NTRK3: variants seen among roughly 807,000 people sequenced by gnomAD.
The protein encoded by NTRK3 is NT-3 growth factor receptor.
In NTRK3, 24 loss-of-function variants were observed where a neutral mutation model predicts 91.7. The observed-to-expected ratio is 0.26, with a 90% CI of 0.19 to 0.37. The LOEUF (loss-of-function observed/expected upper bound fraction) is 0.37, where lower values mean the gene tolerates loss of function less well. NTRK3 is among the 10% of genes least tolerant of loss of function. The pLI, the probability that NTRK3 is intolerant of heterozygous loss-of-function variation, is 1.00. For missense variants in NTRK3, 880 were observed against 1,068.9 expected, an observed-to-expected ratio of 0.82 and a Z score of 2.46; for synonymous variants, 483 against 404.0, an observed-to-expected ratio of 1.20 and a Z score of -2.34.
At chr15:87,967,037 G>A (rs1233364515) in intron 14 of NTRK3, among the ~76,000 whole-genome samples, 1 of 152,198 alleles carries the variant, frequency 6.6e-6, no homozygotes, top group African/African-American at 2.4e-5. Flanking sequence ...ACCAGTGCAG[G>A]AGACAATAAA....
chr15:87,981,561 T>C (rs559793871), intron 14 of NTRK3, among the ~76,000 whole-genome samples: 16 of 152,340 alleles, frequency 1.1e-4, no homozygotes, highest in Admixed American at 8.5e-4. Flanking sequence ...AATCTCACCC[T>C]GGCATTATAG....
intron 13 of NTRK3, among the ~76,000 whole-genome samples, chr15:88,090,441 G>A (rs769948618): frequency 6.6e-6 from 1 of 152,168 alleles, no homozygotes; most frequent in Admixed American, 6.5e-5. Flanking sequence ...GCGTGCCCTA[G>A]GCAACGTAGA....
intron 14 of NTRK3, among the ~76,000 whole-genome samples, chr15:87,954,228 C>T (rs936288920): frequency 2.0e-5 from 3 of 152,242 alleles, no homozygotes; most frequent in Non-Finnish European, 4.4e-5. Flanking sequence ...TTGTACAGTC[C>T]TACAAATTCC....
chr15:87,899,615 C>T (rs1297063163), intron 17 of NTRK3, among the ~76,000 whole-genome samples: 1 of 152,072 alleles, frequency 6.6e-6, no homozygotes, highest in Non-Finnish European at 1.5e-5. Flanking sequence ...ACAGAAAATG[C>T]CAGAAGGAGC....
chr15:88,034,785 C>A (rs1178018273), intron 13 of NTRK3, among the ~76,000 whole-genome samples: 2 of 152,238 alleles, frequency 1.3e-5, no homozygotes, highest in Admixed American at 6.5e-5. Context: ...TGACAAATAT[C>A]TGACTGTGTT....
At chr15:88,202,715 G>A (rs1324468389) in intron 3 of NTRK3, among the ~76,000 whole-genome samples, 1 of 152,196 alleles carries the variant, frequency 6.6e-6, no homozygotes, top group East Asian at 1.9e-4. Flanking sequence ...GTGCTGTCCT[G>A]GAGAGAAGGA....
chr15:88,097,468 C>T lies in NTRK3; in HGVS notation c.1396+28803G>A, dbSNP rs192924618. ...AGATAGTCTCATACACTGATAGAGG[C>T]TTTGTTGATTGGTCAAACTCTTCTC... On this transcript the variant is annotated intron_variant, in intron 13 of 18. Transcript: ENST00000394480. Among the ~76,000 whole-genome samples, 37 of 152,274 alleles carry T rather than the reference C, an allele frequency of 2.4e-4. No homozygotes were observed. In the East Asian group the frequency reaches 6.4e-3, roughly 26 times the overall value.
At chr15:88,158,863 C>T (rs1328837127) in intron 5 of NTRK3, among the ~76,000 whole-genome samples, 1 of 152,106 alleles carries the variant, frequency 6.6e-6, no homozygotes, top group Non-Finnish European at 1.5e-5. Context: ...CAAGACATCA[C>T]ACTCATTTTT....
intron 14 of NTRK3, among the ~76,000 whole-genome samples, chr15:87,982,390 G>A (rs1169340530): frequency 6.6e-6 from 1 of 152,184 alleles, no homozygotes; most frequent in Non-Finnish European, 1.5e-5. Context: ...AAAGGCTGAA[G>A]AGGGGCAAAT....
intron 14 of NTRK3, among the ~76,000 whole-genome samples, chr15:88,005,920 G>C (rs12324332): frequency 0.18 from 27,991 of 152,148 alleles, 3,156 homozygotes; most frequent in African/African-American, 0.32. Flanking sequence ...CAGAGCATAA[G>C]AGGTTTCTGT....
chr15:88,112,197 T>C lies in NTRK3; in HGVS notation c.1396+14074A>G, dbSNP rs148515178. On this transcript the variant is annotated intron_variant, in intron 13 of 18. Transcript: ENST00000394480. ...CTAGGATTACAGGCGTGAGCCACCATGCTCAGCCTCTGGTTTCTGTTTTAT... is the reference window on the plus strand; with the variant it reads ...CTAGGATTACAGGCGTGAGCCACCACGCTCAGCCTCTGGTTTCTGTTTTAT... Among the ~76,000 whole-genome samples the C allele has an allele frequency of 2.0e-4, 30 of 152,360 alleles. No homozygotes were observed. In the East Asian group the frequency reaches 5.2e-3, roughly 26 times the overall value.
At chr15:88,160,439 C>T (rs142917724) in intron 5 of NTRK3, among the ~76,000 whole-genome samples, 1 of 152,156 alleles carries the variant, frequency 6.6e-6, no homozygotes, top group African/African-American at 2.4e-5. Flanking sequence ...CAGCGGCTAG[C>T]GTCAAAGGGT....
chr15:88,002,690 C>CAAA (rs561471888), intron 14 of NTRK3, among the ~76,000 whole-genome samples: 2 of 85,644 alleles, frequency 2.3e-5, no homozygotes, highest in Admixed American at 1.3e-4. Flanking sequence ...AGAAGCTATG[C>CAAA]AAAAAAAAAA....
At chr15:88,027,405 CAG>C (rs2078127156) in intron 14 of NTRK3, among the ~76,000 whole-genome samples, 1 of 152,106 alleles carries the variant, frequency 6.6e-6, no homozygotes, top group African/African-American at 2.4e-5. Context: ...TCTTTTGAGA[CAG>C]AGTCTCGCTC....
At chr15:88,040,536 G>C (rs566128158) in intron 13 of NTRK3, among the ~76,000 whole-genome samples, 1 of 152,328 alleles carries the variant, frequency 6.6e-6, no homozygotes, top group East Asian at 1.9e-4. Flanking sequence ...TTCAGATCAG[G>C]GGAAAGACTG....
At chr15:87,959,253 GCTCTGGCTCCTTGCGT>G (rs2072000598) in intron 14 of NTRK3, among the ~76,000 whole-genome samples, 1 of 152,230 alleles carries the variant, frequency 6.6e-6, no homozygotes, top group Non-Finnish European at 1.5e-5. Flanking sequence ...AGTGGGCAGA[GCTCTGGCTCCTTGCGT>G]CTCCATCAGT....
At chr15:87,910,986 G>C (rs905726052) in intron 17 of NTRK3, among the ~76,000 whole-genome samples, 1 of 152,114 alleles carries the variant, frequency 6.6e-6, no homozygotes. Flanking sequence ...AAGATGAAAA[G>C]TACTTATTTC....
At chr15:88,195,312 G>A (rs560385103) in intron 3 of NTRK3, among the ~76,000 whole-genome samples, 1 of 152,322 alleles carries the variant, frequency 6.6e-6, no homozygotes, top group Admixed American at 6.5e-5. Flanking sequence ...CTCTCCTAAT[G>A]CATTGCAGGC....
chr15:88,223,869 G>A (rs116284534), intron 3 of NTRK3, among the ~76,000 whole-genome samples: 372 of 152,308 alleles, frequency 2.4e-3, no homozygotes, highest in African/African-American at 8.6e-3. Context: ...TCCAAAGGCA[G>A]AAGAACAAAG....
Sources: allele counts gnomAD v4.1 joint callset (sites outside exome capture counted in the v4.1 genomes callset), GRCh38; gene constraint gnomAD v4.1.1; transcripts MANE v1.5; gene names NCBI Gene and HGNC (gene_info 2026-07-23, HGNC 2026-07-21).